SIRT5: variants seen among roughly 807,000 people sequenced by gnomAD.
SIRT5 encodes the protein NAD-dependent protein deacylase sirtuin-5, mitochondrial.
A neutral mutation model predicts 40.0 loss-of-function variants in SIRT5; 26 were observed. The observed-to-expected ratio is 0.65, with a 90% CI of 0.48 to 0.90. The LOEUF is 0.90. Ranked by LOEUF, SIRT5 falls within the 40% of genes least tolerant of loss-of-function variation. SIRT5 has a pLI of 0.00. For synonymous variants in SIRT5, 146 were observed against 149.1 expected (o/e 0.98, Z 0.15); for missense variants, 401 against 402.4 (o/e 1.00, Z 0.03).
chr6:13,597,791 C>T (rs1302613411), intron 7 of SIRT5, among the ~76,000 whole-genome samples: 1 of 152,136 alleles, frequency 6.6e-6, no homozygotes, highest in Non-Finnish European at 1.5e-5. Flanking sequence ...GATGATCCAC[C>T]CGCCTCAGCC....
In SIRT5 at chr6:13,614,444, T is replaced by C. The variant is rs1207782339; in HGVS notation, c.*2579T>C. 1 of 152,212 alleles carries C rather than the reference T, an allele frequency of 6.6e-6. No homozygotes were observed. Among genetic ancestry groups the C allele is most frequent in the African/African-American group, 2.4e-5 (1 of 41,442 alleles). The allele number at this position is 152,212 out of a possible 1,614,324, so 9.4% of individuals were successfully genotyped here. A position where few individuals can be genotyped will look rare whatever the true frequency, so the allele number is the denominator to read the frequency against. On this transcript the variant is annotated 3_prime_UTR_variant, in exon 10 of 10. Transcript: ENST00000606117. ...AATGCATGGCAGGTGTGAAACAGTTTGATTTGTTCAAAGAATGATGAATCA... is the reference window on the plus strand; with the variant it reads ...AATGCATGGCAGGTGTGAAACAGTTCGATTTGTTCAAAGAATGATGAATCA...
In SIRT5 at chr6:13,579,523, C is replaced by A. The variant is rs965483514; in HGVS notation, c.-122C>A. ...TAATTTTCTGGATCAAATTAGAAGT[C>A]TGTATTATATTGATGTCTCCAGATT... is the stretch of plus-strand genomic sequence containing the variant. On this transcript the variant is annotated 5_prime_UTR_variant, in exon 2 of 10. In the 5' UTR this introduces an upstream ATG that the reference lacks. Transcript: ENST00000606117. The A allele has an allele frequency of 6.6e-6, 1 of 152,118 alleles. No homozygotes were observed. The highest frequency in any genetic ancestry group is 1.5e-5 in the Non-Finnish European group (1 of 68,030). The allele number at this position is 152,118 out of a possible 1,614,324, so 9.4% of individuals were successfully genotyped here. A position where few individuals can be genotyped will look rare whatever the true frequency, so the allele number is the denominator to read the frequency against.
At chr6:13,588,277 G>A in intron 3 of SIRT5, 54 bp from the exon 4 acceptor site, 1 of 1,575,128 alleles carries the variant, frequency 6.3e-7, no homozygotes, top group Non-Finnish European at 8.6e-7. Context: ...AATTGATATG[G>A]GATACAAATG....
In SIRT5 at chr6:13,595,475, A is replaced by G. The variant is rs1761449807; in HGVS notation, c.476-2A>G. The G allele has an allele frequency of 6.2e-7, 1 of 1,611,772 alleles. No individual in the cohort carries two copies. Among genetic ancestry groups the G allele is most frequent in the African/African-American group, 1.3e-5 (1 of 74,888 alleles). On this transcript the variant is annotated splice_acceptor_variant, in intron 5 of 9. Coordinates refer to ENST00000606117, the MANE Select transcript of SIRT5 (RefSeq NM_012241.5). LOFTEE classifies it high-confidence loss of function. ...TGGATTTGCTTCATATGTATTTTTC[A>G]GGTAGCTTATTTAAAACTCGATGTA...
intron 4 of SIRT5, among the ~76,000 whole-genome samples, chr6:13,591,037 TG>T (rs1674127956): frequency 6.6e-6 from 1 of 151,624 alleles, no homozygotes; most frequent in African/African-American, 2.4e-5. Flanking sequence ...ATCTTTAGTG[TG>T]TGTAGTATAT....
At chr6:13,602,415 G>T (rs577290256) in intron 9 of SIRT5, among the ~76,000 whole-genome samples, 1 of 151,760 alleles carries the variant, frequency 6.6e-6, no homozygotes, top group South Asian at 2.1e-4. Flanking sequence ...CAGGAGAATC[G>T]CTTGAACCTG....
chr6:13,591,928 A>G (rs746272748), intron 5 of SIRT5, 34 bp downstream of exon 5: 3 of 1,594,818 alleles, frequency 1.9e-6, no homozygotes, highest in South Asian at 2.2e-5. Flanking sequence ...TCAGGGAACC[A>G]GCTTTAAAAC....
rs1562277131 is a variant in SIRT5, at chr6:13,600,926, C to T, written c.834C>T (p.Thr278=). 1 of 1,614,082 alleles carries T rather than the reference C, an allele frequency of 6.2e-7. No individual in the cohort carries two copies. Among genetic ancestry groups the T allele is most frequent in the Non-Finnish European group, 8.5e-7 (1 of 1,179,982 alleles). ...CAGTGGCTGAATTTAACACGGAGAC[C>T]ACCCCAGCTACGAACAGATTCAGGT... ...GVPVAEFNTE[T]TPATNRFRFH... is the part of the protein sequence containing the mutation. Residue 278 remains threonine, a synonymous_variant, in exon 9 of 10, where the codon ACC becomes ACT. Coordinates refer to ENST00000606117, the MANE Select transcript of SIRT5 (RefSeq NM_012241.5).
chr6:13,577,050 A>G (rs1758724610), intron 1 of SIRT5, among the ~76,000 whole-genome samples: 2 of 152,184 alleles, frequency 1.3e-5, no homozygotes, highest in Non-Finnish European at 2.9e-5. Flanking sequence ...TTTGATTACA[A>G]TGGCCCTATA....
In SIRT5 at chr6:13,590,253, GT is replaced by G. The variant is rs1760668995; in HGVS notation, c.250-1413del. Among the ~76,000 whole-genome samples, 3 of 152,256 alleles carry G rather than the reference GT, an allele frequency of 2.0e-5. 1 individual carries two copies. In the Middle Eastern group the frequency reaches 0.01, roughly 518 times the overall value. Reference sequence around the variant, plus strand: ...CACCTCCACTATCAAGAAACAGAATGTTTCAGTCATCCCTGAAAGTTCCCTG... The same window carrying G: ...CACCTCCACTATCAAGAAACAGAATGTTCAGTCATCCCTGAAAGTTCCCTG... On this transcript the variant is annotated intron_variant, in intron 4 of 9. Coordinates refer to ENST00000606117, the MANE Select transcript of SIRT5 (RefSeq NM_012241.5).
At chr6:13,577,387 G>T (rs560550150) in intron 1 of SIRT5, among the ~76,000 whole-genome samples, 1 of 151,790 alleles carries the variant, frequency 6.6e-6, no homozygotes, top group Non-Finnish European at 1.5e-5. Context: ...ACCTGAAGTG[G>T]TTTTTTCTTT....
Position 13,600,953 on chromosome 6 carries a change from C to T in SIRT5, c.857+4C>T, listed in dbSNP as rs768846694. ...CCCCAGCTACGAACAGATTCAGGTACTGGGATACCCTGATGGGAGAGGGAG... is the reference window on the plus strand; with the variant it reads ...CCCCAGCTACGAACAGATTCAGGTATTGGGATACCCTGATGGGAGAGGGAG... On this transcript the variant is annotated splice_donor_region_variant and intron_variant, in intron 9 of 9. Transcript: ENST00000606117. The T allele has an allele frequency of 6.2e-7, 1 of 1,606,364 alleles. No individual in the cohort carries two copies. Among genetic ancestry groups the T allele is most frequent in the Non-Finnish European group, 8.5e-7 (1 of 1,173,090 alleles).
chr6:13,592,915 AT>A lies in SIRT5; in HGVS notation c.475+1037del, dbSNP rs70989874. 2.2e-3 allele frequency among the ~76,000 whole-genome samples: 312 copies of A among 139,120 alleles called. 1 individual carries two copies. Among genetic ancestry groups the A allele is most frequent in the East Asian group, 2.9e-3 (14 of 4,812 alleles). The allele number at this position is 139,120 out of a possible 152,430, so 91.3% of individuals were successfully genotyped here. Reference sequence around the variant, plus strand: ...ATTTCTCTTAATTTAATTTAATTTAATTTTTTTTTTTTTTTTAGCAATGGGG... The same window carrying A: ...ATTTCTCTTAATTTAATTTAATTTAATTTTTTTTTTTTTTTAGCAATGGGG... On this transcript the variant is annotated intron_variant, in intron 5 of 9. Coordinates refer to ENST00000606117, the MANE Select transcript of SIRT5 (RefSeq NM_012241.5).
chr6:13,604,436 A>T, intron 9 of SIRT5: 1 of 1,188,156 alleles, frequency 8.4e-7, no homozygotes, highest in South Asian at 1.2e-5. Flanking sequence ...GACCTGAGCT[A>T]TGTCCCCAGT....
intron 9 of SIRT5, among the ~76,000 whole-genome samples, chr6:13,602,695 C>T (rs529967105): frequency 3.3e-5 from 5 of 152,278 alleles, no homozygotes; most frequent in African/African-American, 1.2e-4. Context: ...TGATGAAATA[C>T]AGTCTTTTTC....
At chr6:13,587,057 A>G (rs1226047609) in intron 3 of SIRT5, among the ~76,000 whole-genome samples, 1 of 152,052 alleles carries the variant, frequency 6.6e-6, no homozygotes, top group Non-Finnish European at 1.5e-5. Flanking sequence ...GAGGAAGGCC[A>G]GGGAGCCTGC....
In SIRT5 at chr6:13,599,064, G is replaced by A. The variant is rs199604742; in HGVS notation, c.650G>A (p.Arg217Gln). 8.7e-6 allele frequency: 14 copies of A among 1,613,912 alleles called. No homozygotes were observed. Among genetic ancestry groups the A allele is most frequent in the Admixed American group, 1.7e-5 (1 of 59,990 alleles). ...CEEAGCGGLL[R>Q]PHVVWFGENL... The stretch of plus-strand genomic sequence containing the variant: ...GAGGCAGGCTGCGGGGGCTTGCTGC[G>A]ACCTCACGTCGTGTGGTTTGGAGAA... The change falls in exon 8 of 10, where the codon CGA becomes CAA. Residue 217 changes from arginine to glutamine, a missense_variant. Arg to Gln is a conservative substitution (Grantham distance 43). Transcript: ENST00000606117.
rs201508702 is a variant in SIRT5 at position 13,591,899 on chromosome 6, G to C, written c.475+5G>C. On this transcript the variant is annotated splice_donor_5th_base_variant and intron_variant, in intron 5 of 9. Coordinates refer to ENST00000606117, the MANE Select transcript of SIRT5 (RefSeq NM_012241.5). ...AGAACCTTCTGGAGATCCATGGTGA[G>C]AGACCCCCAGCCTCCCATTCAGGGA... 2 of 1,609,098 alleles carry C rather than the reference G, an allele frequency of 1.2e-6. No individual in the cohort carries two copies.
chr6:13,610,071 A>T (rs1489397656), intron 9 of SIRT5, among the ~76,000 whole-genome samples: 1 of 152,060 alleles, frequency 6.6e-6, no homozygotes, highest in Admixed American at 6.5e-5. Flanking sequence ...GGCTCAAGTG[A>T]TCCTCTCGCC....
Sources: gnomAD v4.1 joint callset for allele counts (sites outside exome capture counted in the v4.1 genomes callset) on GRCh38, gnomAD v4.1.1 for gene constraint, MANE v1.5 for transcripts, NCBI Gene and HGNC (gene_info 2026-07-23, HGNC 2026-07-21) for gene names.